RYR3: variants seen among roughly 807,000 people sequenced by gnomAD.
RYR3 encodes the protein ryanodine receptor 3, also known as brain ryanodine receptor-calcium release channel.
Under a neutral mutation model 584.3 loss-of-function variants are expected in RYR3, and 207 were observed. The ratio of observed to expected loss-of-function variants is 0.35; its 90% confidence interval spans 0.32 to 0.40. The LOEUF (loss-of-function observed/expected upper bound fraction) is 0.40, where lower values mean the gene tolerates loss of function less well. Ranked by LOEUF, RYR3 falls within the 10% of genes least tolerant of loss-of-function variation. RYR3 has a pLI of 1.00. For missense variants in RYR3, 5,616 were observed against 6,089.2 expected, an observed-to-expected ratio of 0.92 and a Z score of 2.59; for synonymous variants, 2,416 against 2,248.5, an observed-to-expected ratio of 1.07 and a Z score of -2.11.
In RYR3 at chr15:33,769,127, C is replaced by CA; in HGVS notation, c.8773dup (p.Met2925AsnfsTer13). On this transcript the variant is annotated frameshift_variant, in exon 62 of 104. Coordinates refer to ENST00000634891, the MANE Select transcript of RYR3 (RefSeq NM_001036.6). LOFTEE classifies it high-confidence loss of function. ...TTTATTCCAGGTAGTGATTCTACTA[C>CA]AATGGTGAGCTGTCTTCACATCTTA... The CA allele has an allele frequency of 6.2e-7, 1 of 1,613,146 alleles. No homozygotes were observed. The highest frequency in any genetic ancestry group is 8.5e-7 in the Non-Finnish European group (1 of 1,179,212).
intron 38 of RYR3, among the ~76,000 whole-genome samples, chr15:33,678,136 G>A (rs1405790849): frequency 6.6e-6 from 1 of 152,192 alleles, no homozygotes; most frequent in African/African-American, 2.4e-5. Context: ...TTCAGGCACA[G>A]TAATAAAGAG....
rs8029260 is a variant in RYR3 at position 33,825,595 on chromosome 15, A to G, written c.11073-8A>G. 1.8e-4 allele frequency: 291 copies of G among 1,604,520 alleles called. 2 individuals carry two copies. The African/African-American group carries it at 3.2e-3, about 18-fold the overall frequency. ...CCCTGAACCTTGTTTCTTTCTGTCT[A>G]TTAAAAGTGTCCTTGATTTGAATGC... On this transcript the variant is annotated splice_polypyrimidine_tract_variant and splice_region_variant and intron_variant, in intron 81 of 103. Transcript: ENST00000634891.
At chr15:33,643,201 G>A (rs1329957724) in intron 27 of RYR3, among the ~76,000 whole-genome samples, 1 of 152,086 alleles carries the variant, frequency 6.6e-6, no homozygotes. Context: ...TTCTTCTGTA[G>A]GGAACTCCAG....
chr15:33,748,555 C>G, intron 55 of RYR3, 25 bp downstream of exon 55: 1 of 1,600,400 alleles, frequency 6.2e-7, no homozygotes. Flanking sequence ...TCCAGCATGA[C>G]TTGCTTTCAA....
In RYR3 at chr15:33,865,156, A is replaced by C; in HGVS notation, c.14543A>C (p.Gln4848Pro). The C allele has an allele frequency of 6.2e-7, 1 of 1,613,752 alleles. No individual in the cohort carries two copies. The highest frequency in any genetic ancestry group is 8.5e-7 in the Non-Finnish European group (1 of 1,179,702). The change falls in exon 104 of 104, where the codon CAA (glutamine) becomes CCA (proline). Residue 4848 changes from glutamine (Q) to proline (P), a missense_variant. Coordinates refer to ENST00000634891, the MANE Select transcript of RYR3 (RefSeq NM_001036.6). Reference protein sequence around the residue: ...GQESYVWKMYQERCWDFFPAG... With the variant: ...GQESYVWKMYPERCWDFFPAG... Reference sequence around the variant, plus strand: ...GAATCTTATGTCTGGAAGATGTACCAAGAAAGGTGTTGGGATTTCTTCCCA... The same window carrying C: ...GAATCTTATGTCTGGAAGATGTACCCAGAAAGGTGTTGGGATTTCTTCCCA...
chr15:33,864,211 A>G (rs544304862), intron 103 of RYR3, 22 bp downstream of exon 103: 1 of 1,588,706 alleles, frequency 6.3e-7, no homozygotes, highest in East Asian at 2.2e-5. Context: ...AGAATCATAT[A>G]CCCGTGTTAG....
At chr15:33,477,452 G>C (rs2049481080) in intron 2 of RYR3, among the ~76,000 whole-genome samples, 1 of 151,556 alleles carries the variant, frequency 6.6e-6, no homozygotes, top group African/African-American at 2.4e-5. Context: ...TTTGATTCCT[G>C]TATGCCATGG....
rs148148261 is a variant in RYR3 at position 33,512,957 on chromosome 15, CTG to C, written c.279+9221_279+9222del. On this transcript the variant is annotated intron_variant, in intron 3 of 103. Transcript: ENST00000634891. ...TTGCTGAGAGTTTTGAGAAAAATAA[CTG>C]TTTCATGGGGGACAGGAGTAGAGAT... is the stretch of plus-strand genomic sequence containing the variant. 9.7e-3 allele frequency among the ~76,000 whole-genome samples: 1,473 copies of C among 152,234 alleles called. 6 individuals carry two copies. The highest frequency in any genetic ancestry group is 0.015 in the Non-Finnish European group (1,011 of 68,014).
At chr15:33,343,836 A>G (rs972123119) in intron 1 of RYR3, among the ~76,000 whole-genome samples, 1 of 152,116 alleles carries the variant, frequency 6.6e-6, no homozygotes, top group Non-Finnish European at 1.5e-5. Context: ...CCAGTTGCTG[A>G]GTTGCTCCTA....
intron 38 of RYR3, among the ~76,000 whole-genome samples, chr15:33,673,107 A>T (rs969943419): frequency 2.0e-5 from 3 of 152,354 alleles, no homozygotes; most frequent in East Asian, 1.9e-4. Flanking sequence ...CACATTTGGA[A>T]TGGCTTTTTA....
intron 65 of RYR3, among the ~76,000 whole-genome samples, chr15:33,783,475 C>G (rs2074507399): frequency 6.6e-6 from 1 of 152,206 alleles, no homozygotes; most frequent in Non-Finnish European, 1.5e-5. Context: ...TTGTTCCACT[C>G]AAGGGCCAAT....
intron 63 of RYR3, among the ~76,000 whole-genome samples, chr15:33,772,364 A>G (rs1438223314): frequency 6.6e-6 from 1 of 152,238 alleles, no homozygotes; most frequent in Non-Finnish European, 1.5e-5. Flanking sequence ...ATTTGAGTAT[A>G]TAATATTTAT....
intron 48 of RYR3, among the ~76,000 whole-genome samples, chr15:33,732,497 C>A (rs1263279558): frequency 6.6e-6 from 1 of 151,984 alleles, no homozygotes; most frequent in Non-Finnish European, 1.5e-5. Flanking sequence ...TTTATGACTG[C>A]AGATGGGCAT....
intron 1 of RYR3, among the ~76,000 whole-genome samples, chr15:33,436,501 CT>C (rs34317660): frequency 0.038 from 5,130 of 135,808 alleles, 67 homozygotes; most frequent in African/African-American, 0.065. Context: ...AAACCATATT[CT>C]TTTTTTTTTT....
At chr15:33,444,806 C>T (rs1485322297) in intron 1 of RYR3, among the ~76,000 whole-genome samples, 1 of 151,940 alleles carries the variant, frequency 6.6e-6, no homozygotes, top group Non-Finnish European at 1.5e-5. Flanking sequence ...TGAATAAAAG[C>T]AAGACGAGTT....
At chr15:33,405,759 G>A (rs578153858) in intron 1 of RYR3, among the ~76,000 whole-genome samples, 28 of 152,300 alleles carry the variant, frequency 1.8e-4, no homozygotes, top group Admixed American at 4.6e-4. Context: ...TAGTCCAGCT[G>A]GTGGTTCTGG....
At chr15:33,831,822 A>T (rs8033804) in intron 86 of RYR3, among the ~76,000 whole-genome samples, 63,674 of 151,964 alleles carry the variant, frequency 0.42, 13,720 homozygotes, top group South Asian at 0.63. Context: ...CTTCATCTTC[A>T]GATTACCATA....
rs1246411875 is a variant in RYR3 at position 33,785,668 on chromosome 15, G to T, written c.9275G>T (p.Gly3092Val). 6.3e-7 allele frequency: 1 copy of T among 1,589,442 alleles called. No individual in the cohort carries two copies. The highest frequency in any genetic ancestry group is 1.2e-5 in the South Asian group (1 of 86,590). Residue 3092 changes from glycine to valine, a missense_variant, in exon 66 of 104, where the codon GGG (glycine) becomes GTG (valine). Gly to Val is a moderately radical substitution (Grantham distance 109, BLOSUM62 -3). Coordinates refer to ENST00000634891, the MANE Select transcript of RYR3 (RefSeq NM_001036.6). ...TATTCTTCCTCTCAATCAGTTCTGG[G>T]GATGCCAGACACGGTAGAAGACATG... Reference protein sequence around the residue: ...TKTPRERSILGMPDTVEDMCP... With the variant: ...TKTPRERSILVMPDTVEDMCP...
Position 33,722,741 on chromosome 15 carries a change from G to C in RYR3, c.6646G>C (p.Val2216Leu). 5 of 1,612,600 alleles carry C rather than the reference G, an allele frequency of 3.1e-6. No individual in the cohort carries two copies. Among genetic ancestry groups the C allele is most frequent in the Non-Finnish European group, 4.2e-6 (5 of 1,179,482 alleles). ...TGAGAGTGTGGAAGAAAACGCCAGC[G>C]TTGTGGTCAAGCTGCTCATCAGACG... Reference protein sequence around the residue: ...NSESVEENASVVVKLLIRRPE... With the variant: ...NSESVEENASLVVKLLIRRPE... The change falls in exon 44 of 104, where the codon GTT becomes CTT. Residue 2216 changes from valine (V) to leucine (L), a missense_variant. Val to Leu is a conservative substitution (Grantham distance 32). This residue lies in a region of RYR3 where 1,280 missense variants were observed against 1,426.2 expected (regional missense o/e 0.90). Transcript: ENST00000634891.
Sources: allele counts gnomAD v4.1 joint callset (sites outside exome capture counted in the v4.1 genomes callset), GRCh38; gene constraint gnomAD v4.1.1; regional missense constraint gnomAD v4.1.1; transcripts MANE v1.5; gene names NCBI Gene and HGNC (gene_info 2026-07-23, HGNC 2026-07-21).